BCO1: variants seen among roughly 807,000 people sequenced by gnomAD.
The protein encoded by BCO1 is beta,beta-carotene 15,15'-dioxygenase.
Under a neutral mutation model 56.3 loss-of-function variants are expected in BCO1, and 54 were observed. The observed-to-expected ratio is 0.96, with a 90% CI of 0.77 to 1.20. BCO1 has a LOEUF of 1.20. Ranked by LOEUF, BCO1 falls within the 50% of genes most tolerant of loss-of-function variation. The pLI is 0.00. For synonymous variants in BCO1, 318 were observed against 266.1 expected, an observed-to-expected ratio of 1.20 and a Z score of -1.90; for missense variants, 801 against 690.9, an observed-to-expected ratio of 1.16 and a Z score of -1.79.
chr16:81,265,437 T>C (rs1447328985), intron 5 of BCO1, among the ~76,000 whole-genome samples: 19 of 123,838 alleles, frequency 1.5e-4, no homozygotes, highest in African/African-American at 3.5e-4. Context: ...ATCCATCCAT[T>C]CATCCATCCA....
Position 81,245,525 on chromosome 16 carries a change from A to T in BCO1, c.115A>T (p.Met39Leu). 6.2e-7 allele frequency: 1 copy of T among 1,613,792 alleles called. No individual in the cohort carries two copies. Among genetic ancestry groups the T allele is most frequent in the Non-Finnish European group, 8.5e-7 (1 of 1,179,712 alleles). ...QGTLLRNGPGMHTVGESRYNH... is the reference protein window; with the variant it reads ...QGTLLRNGPGLHTVGESRYNH... ...AACCCTGCTCCGCAATGGGCCTGGG[A>T]TGCACACAGTTGGGGAGTCCAGATA... is the stretch of plus-strand genomic sequence containing the variant. The change falls in exon 2 of 11, where the codon ATG (methionine) becomes TTG (leucine). Residue 39 changes from methionine (M) to leucine (L), a missense_variant. Coordinates refer to ENST00000258168, the MANE Select transcript of BCO1 (RefSeq NM_017429.3).
intron 7 of BCO1, among the ~76,000 whole-genome samples, chr16:81,279,245 C>T (rs562990613): frequency 1.4e-4 from 21 of 152,300 alleles, no homozygotes; most frequent in Non-Finnish European, 2.8e-4. Flanking sequence ...CACTACTGTA[C>T]TCCAGCCTGG....
At chr16:81,272,329 A>G (rs1009794123) in intron 7 of BCO1, among the ~76,000 whole-genome samples, 6 of 151,102 alleles carry the variant, frequency 4.0e-5, no homozygotes, top group South Asian at 2.1e-4. Context: ...CGTGTTAGCC[A>G]GGATGGTCTC....
intron 2 of BCO1, among the ~76,000 whole-genome samples, chr16:81,246,717 G>A (rs1236918222): frequency 6.6e-6 from 1 of 151,982 alleles, no homozygotes; most frequent in Admixed American, 6.6e-5. Flanking sequence ...TGGTCATAGT[G>A]GCACACACCT....
Position 81,262,237 on chromosome 16 carries a change from A to G in BCO1, c.425A>G (p.Asn142Ser), listed in dbSNP as rs1567452425. 1 of 1,613,854 alleles carries G rather than the reference A, an allele frequency of 6.2e-7. No individual in the cohort carries two copies. Among genetic ancestry groups the G allele is most frequent in the Non-Finnish European group, 8.5e-7 (1 of 1,179,776 alleles). Residue 142 changes from asparagine (N) to serine (S), a missense_variant, in exon 4 of 11, where the codon AAT (asparagine) becomes AGT (serine). Coordinates refer to ENST00000258168, the MANE Select transcript of BCO1 (RefSeq NM_017429.3). ...GEDFYATSET[N>S]YIRKINPQTL... is the part of the protein sequence containing the mutation. ...GACTTCTACGCGACCTCAGAGACCAATTACATCAGGAAAATCAACCCACAG... is the reference window on the plus strand; with the variant it reads ...GACTTCTACGCGACCTCAGAGACCAGTTACATCAGGAAAATCAACCCACAG...
At chr16:81,260,322 A>T (rs1906405780) in intron 3 of BCO1, among the ~76,000 whole-genome samples, 2 of 151,988 alleles carry the variant, frequency 1.3e-5, no homozygotes, top group Non-Finnish European at 2.9e-5. Flanking sequence ...AAAAAAAAAA[A>T]AGGAAGGTGT....
At chr16:81,274,658 A>T (rs1164617086) in intron 7 of BCO1, among the ~76,000 whole-genome samples, 1 of 152,090 alleles carries the variant, frequency 6.6e-6, no homozygotes, top group Non-Finnish European at 1.5e-5. Context: ...GCAGGTGATC[A>T]CCTGAGGTCA....
chr16:81,284,255 TAA>T (rs1271259190), intron 8 of BCO1, among the ~76,000 whole-genome samples: 2 of 1,122 alleles, frequency 1.8e-3, no homozygotes, highest in African/African-American at 2.5e-3. Context: ...TATTTATATA[TAA>T]ATATATATTT....
In BCO1 at chr16:81,238,816, G is replaced by C. The variant is rs1027317202; in HGVS notation, c.-93G>C. The C allele has an allele frequency of 9.2e-7, 1 of 1,091,784 alleles. No individual in the cohort carries two copies. Among genetic ancestry groups the C allele is most frequent in the African/African-American group, 1.5e-5 (1 of 64,666 alleles). The allele number at this position is 1,091,784 out of a possible 1,614,324, so 67.6% of individuals were successfully genotyped here. ...AAGGAGGGAAGGAGCAGGAGAGCAG[G>C]AAGGAAACGCAGGAGGAGGGAGCAG... On this transcript the variant is annotated 5_prime_UTR_variant, in exon 1 of 11. Coordinates refer to ENST00000258168, the MANE Select transcript of BCO1 (RefSeq NM_017429.3).
chr16:81,240,908 C>T (rs1182788096), intron 1 of BCO1, among the ~76,000 whole-genome samples: 3 of 146,990 alleles, frequency 2.0e-5, no homozygotes, highest in South Asian at 2.1e-4. Flanking sequence ...GATCTCGGCT[C>T]ACCACAACCT....
intron 4 of BCO1, chr16:81,262,957 C>T (rs1906588913): frequency 6.5e-6 from 1 of 154,948 alleles, no homozygotes. Context: ...TCTCTGAAGA[C>T]TCTAGAGGAG....
At chr16:81,285,433 T>C (rs1908122091) in intron 8 of BCO1, 107 bp from the exon 9 acceptor site, 2 of 828,740 alleles carry the variant, frequency 2.4e-6, no homozygotes, top group South Asian at 2.8e-5. Flanking sequence ...TCAAGGATCT[T>C]GGTGTGGAAA....
At chr16:81,259,952 T>C in intron 3 of BCO1, 147 bp downstream of exon 3, 1 of 1,010,580 alleles carries the variant, frequency 9.9e-7, no homozygotes, top group Non-Finnish European at 1.5e-6. Flanking sequence ...TGCTACACAG[T>C]TCTTGATCAC....
intron 2 of BCO1, among the ~76,000 whole-genome samples, chr16:81,254,553 A>G (rs1381717848): frequency 1.3e-5 from 2 of 151,120 alleles, no homozygotes; most frequent in African/African-American, 4.9e-5. Context: ...CTGAGCCACC[A>G]CGCCTCCCCT....
chr16:81,260,634 A>G (rs1230152512), intron 3 of BCO1, among the ~76,000 whole-genome samples: 5 of 151,984 alleles, frequency 3.3e-5, no homozygotes, highest in Non-Finnish European at 5.9e-5. Context: ...TCAGCCTCCC[A>G]AGTAGCTGGG....
At chr16:81,239,817 C>T (rs573556193) in intron 1 of BCO1, among the ~76,000 whole-genome samples, 26 of 152,200 alleles carry the variant, frequency 1.7e-4, no homozygotes, top group African/African-American at 6.0e-4. Context: ...TTTTCCTCCT[C>T]TTTTGAGTTG....
intron 8 of BCO1, among the ~76,000 whole-genome samples, chr16:81,282,521 G>C (rs948104619): frequency 6.6e-5 from 10 of 152,130 alleles, no homozygotes; most frequent in African/African-American, 1.7e-4. Flanking sequence ...TTTGACCTAA[G>C]AATCCACTTC....
At chr16:81,281,881 T>G (rs1265348573) in intron 8 of BCO1, among the ~76,000 whole-genome samples, 1 of 152,226 alleles carries the variant, frequency 6.6e-6, no homozygotes, top group Non-Finnish European at 1.5e-5. Context: ...CAGCATCTCA[T>G]GGGAGCACCA....
In BCO1 at chr16:81,289,370, C is replaced by T. The variant is rs565802617; in HGVS notation, c.1415-978C>T. The stretch of plus-strand genomic sequence containing the variant: ...GAAATGCCATTCTTCAAGCCAGGTG[C>T]GGTGGTTCATGCCTGTAATCCCAGC... On this transcript the variant is annotated intron_variant, in intron 10 of 10. Transcript: ENST00000258168. 5.3e-5 allele frequency among the ~76,000 whole-genome samples: 8 copies of T among 152,236 alleles called. 1 individual carries two copies. The highest frequency in any genetic ancestry group is 1.7e-4 in the African/African-American group (7 of 41,546).
Sources: gnomAD v4.1 joint callset for allele counts (sites outside exome capture counted in the v4.1 genomes callset) on GRCh38, gnomAD v4.1.1 for gene constraint, MANE v1.5 for transcripts, NCBI Gene and HGNC (gene_info 2026-07-23, HGNC 2026-07-21) for gene names.